Variants in DNAAF1 observed in about 807,000 individuals in gnomAD.
DNAAF1 encodes the protein dynein axonemal assembly factor 1.
Under a neutral mutation model 71.1 loss-of-function variants are expected in DNAAF1, and 65 were observed. The observed-to-expected ratio is 0.91, with a 90% confidence interval of 0.75 to 1.12. The LOEUF (loss-of-function observed/expected upper bound fraction) is 1.12. Among genes scored for constraint, DNAAF1 ranks in the 50% most tolerant of loss-of-function variants. The pLI is 0.00. For synonymous variants in DNAAF1, 414 were observed against 354.6 expected (o/e 1.17, Z -1.88); for missense variants, 1,178 against 899.8 (o/e 1.31, Z -3.96).
rs772046071 is a variant in DNAAF1, at chr16:84,145,407, A to C, written c.-34A>C. Reference sequence around the variant, plus strand: ...GTCCGCCGCGAACCTGGGCCCCCCAAAGCTGCGGGGCGTTCGGTGTCGCCG... The same window carrying C: ...GTCCGCCGCGAACCTGGGCCCCCCACAGCTGCGGGGCGTTCGGTGTCGCCG... On this transcript the variant is annotated 5_prime_UTR_variant, in exon 1 of 12. Transcript: ENST00000378553. The C allele has an allele frequency of 6.4e-6, 10 of 1,570,384 alleles. No individual in the cohort carries two copies. The African/African-American group carries it at 8.1e-5, about 13-fold the overall frequency.
chr16:84,147,013 C>G lies in DNAAF1; in HGVS notation c.124+1449C>G, dbSNP rs77347104. 4.1e-3 allele frequency among the ~76,000 whole-genome samples: 630 copies of G among 152,300 alleles called. 4 individuals are homozygous for G. The highest frequency in any genetic ancestry group is 0.014 in the African/African-American group (592 of 41,564). ...GACACTGGTCTTGGAGCCATTGACA[C>G]TGGGTTCAAGTTGAGGCTCAGCAGC... On this transcript the variant is annotated intron_variant, in intron 1 of 11. Coordinates refer to ENST00000378553, the MANE Select transcript of DNAAF1 (RefSeq NM_178452.6).
At position 84,145,317 on chromosome 16, in the gene DNAAF1, A is replaced by C; in HGVS notation, c.-124A>C. ...GGGGAAGCGTTGGGCTGTAAAGACTAGGGCGCCAGCGGCTGGCGAAGAAGG... is the reference window on the plus strand; with the variant it reads ...GGGGAAGCGTTGGGCTGTAAAGACTCGGGCGCCAGCGGCTGGCGAAGAAGG... On this transcript the variant is annotated 5_prime_UTR_variant, in exon 1 of 12. Transcript: ENST00000378553. The C allele has an allele frequency of 6.8e-7, 1 of 1,477,910 alleles. No homozygotes were observed. Among genetic ancestry groups the C allele is most frequent in the Non-Finnish European group, 9.1e-7 (1 of 1,096,024 alleles). The allele number at this position is 1,477,910 out of a possible 1,614,324, so 91.5% of individuals were successfully genotyped here.
Position 84,177,861 on chromosome 16 carries a change from G to C in DNAAF1, c.*20G>C, listed in dbSNP as rs1429390512. On this transcript the variant is annotated 3_prime_UTR_variant, in exon 12 of 12. Transcript: ENST00000378553. ...TCATAGTTTTCCCCAGTTATATGTA[G>C]CATAAATGGTTTAATCATAAATGTC... 1 of 1,584,518 alleles carries C rather than the reference G, an allele frequency of 6.3e-7. No homozygotes were observed. The highest frequency in any genetic ancestry group is 2.2e-5 in the East Asian group (1 of 44,722).
intron 5 of DNAAF1, chr16:84,158,974 A>G (rs956673352): frequency 4.9e-5 from 47 of 951,494 alleles, no homozygotes; most frequent in Non-Finnish European, 5.6e-5. Flanking sequence ...CAAGTGATCC[A>G]CCCACCTCAG....
intron 10 of DNAAF1, among the ~76,000 whole-genome samples, chr16:84,175,065 A>C (rs956447513): frequency 2.0e-5 from 3 of 152,174 alleles, no homozygotes; most frequent in Non-Finnish European, 2.9e-5. Context: ...CATGTTGGCC[A>C]GGCTGGTCTC....
chr16:84,159,165 T>C, intron 5 of DNAAF1: 5 of 1,001,524 alleles, frequency 5.0e-6, no homozygotes, highest in Non-Finnish European at 6.0e-6. Context: ...CGGGGAGAGC[T>C]GTAAGCCGAG....
At chr16:84,162,647 C>G (rs1000058510) in intron 6 of DNAAF1, among the ~76,000 whole-genome samples, 6 of 151,898 alleles carry the variant, frequency 4.0e-5, no homozygotes, top group African/African-American at 1.5e-4. Context: ...GGTGAAACCT[C>G]ATCTCTACTA....
Position 84,145,461 on chromosome 16 carries a change from G to C in DNAAF1, c.21G>C (p.Glu7Asp), listed in dbSNP as rs1249513248. The change falls in exon 1 of 12, where the codon GAG becomes GAC. Residue 7 changes from glutamate (E) to aspartate (D), a missense_variant. Glu to Asp is a conservative substitution (Grantham distance 45). Coordinates refer to ENST00000378553, the MANE Select transcript of DNAAF1 (RefSeq NM_178452.6). MHPEPS[E>D]PATGGAAELD... ...TAAACATGCACCCTGAGCCCTCGGA[G>C]CCTGCGACAGGTGGTGCAGCAGAGC... 3 of 1,579,250 alleles carry C rather than the reference G, an allele frequency of 1.9e-6. No individual in the cohort carries two copies. In the South Asian group the frequency reaches 3.5e-5, roughly 18 times the overall value.
chr16:84,169,370 G>A (rs2088200995), intron 7 of DNAAF1, among the ~76,000 whole-genome samples: 4 of 151,790 alleles, frequency 2.6e-5, no homozygotes, highest in Admixed American at 2.6e-4. Context: ...ACAAGCATGA[G>A]CTACCATGCC....
intron 6 of DNAAF1, among the ~76,000 whole-genome samples, chr16:84,163,355 C>CT (rs1323718376): frequency 2.0e-5 from 3 of 148,444 alleles, no homozygotes; most frequent in South Asian, 2.2e-4. Context: ...GGTTGCCTGT[C>CT]TTTTTTTTCC....
rs894004225 is a variant in DNAAF1 at position 84,154,777 on chromosome 16, A to C, written c.553A>C (p.Ile185Leu). 6.2e-7 allele frequency: 1 copy of C among 1,613,974 alleles called. No individual in the cohort carries two copies. The highest frequency in any genetic ancestry group is 1.3e-5 in the African/African-American group (1 of 74,920). ...TGCTCTTAACCTCAGCAACAATTAC[A>C]TCAAGACCATTGAAAACCTCTGTAA... Reference protein sequence around the residue: ...LDALNLSNNYIKTIENLSCLP... With the variant: ...LDALNLSNNYLKTIENLSCLP... Residue 185 changes from isoleucine to leucine, a missense_variant, in exon 4 of 12, where the codon ATC becomes CTC. Ile to Leu is a conservative substitution (Grantham distance 5). Coordinates refer to ENST00000378553, the MANE Select transcript of DNAAF1 (RefSeq NM_178452.6).
rs1567551863 is a variant in DNAAF1 at position 84,163,396 on chromosome 16, T to TTA, written c.864-2386_864-2385insAT. On this transcript the variant is annotated intron_variant, in intron 6 of 11. Coordinates refer to ENST00000378553, the MANE Select transcript of DNAAF1 (RefSeq NM_178452.6). Reference sequence around the variant, plus strand: ...CTCTCTCTTTTTCTTTTTTTTTTTTTTTAAGATGGAGTCTTGCCCTGTCGC... The same window carrying TTA: ...CTCTCTCTTTTTCTTTTTTTTTTTTTTATTAAGATGGAGTCTTGCCCTGTCGC... Among the ~76,000 whole-genome samples, 829 of 151,812 alleles carry TTA rather than the reference T, an allele frequency of 5.5e-3. 11 individuals are homozygous for TTA. The highest frequency in any genetic ancestry group is 0.019 in the African/African-American group (784 of 41,374).
intron 9 of DNAAF1, chr16:84,172,601 G>A (rs576366650): frequency 4.4e-4 from 602 of 1,361,736 alleles, no homozygotes; most frequent in Non-Finnish European, 5.0e-4. Context: ...TCGTGCACAT[G>A]CATGCTCAAG....
intron 10 of DNAAF1, 100 bp downstream of exon 10, chr16:84,174,822 C>A: frequency 6.8e-7 from 1 of 1,474,416 alleles, no homozygotes; most frequent in Non-Finnish European, 9.4e-7. Flanking sequence ...AAAATGTTCC[C>A]TGTGCATAAA....
intron 1 of DNAAF1, among the ~76,000 whole-genome samples, chr16:84,146,095 T>TCAAACAAA (rs149331390): frequency 2.6e-5 from 4 of 151,834 alleles, no homozygotes; most frequent in African/African-American, 4.8e-5. Context: ...AGACTCCGTC[T>TCAAACAAA]CAAACAAACA....
chr16:84,161,697 A>G (rs1028520102), intron 6 of DNAAF1, among the ~76,000 whole-genome samples: 2 of 150,854 alleles, frequency 1.3e-5, no homozygotes, highest in African/African-American at 2.4e-5. Flanking sequence ...TAATCCAGCC[A>G]CTGACTAATT....
At chr16:84,165,267 G>A (rs537892318) in intron 6 of DNAAF1, among the ~76,000 whole-genome samples, 7 of 152,092 alleles carry the variant, frequency 4.6e-5, no homozygotes, top group Non-Finnish European at 1.0e-4. Flanking sequence ...TTAATGAGTT[G>A]TGAGGCTTAT....
chr16:84,148,345 G>T (rs992200321), intron 1 of DNAAF1, among the ~76,000 whole-genome samples: 1 of 151,960 alleles, frequency 6.6e-6, no homozygotes, highest in Non-Finnish European at 1.5e-5. Flanking sequence ...TAGTTCTAGT[G>T]CATTCTTCTC....
chr16:84,150,080 A>G (rs1054008792), intron 2 of DNAAF1, among the ~76,000 whole-genome samples, 171 bp from the exon 3 acceptor site: 4 of 150,600 alleles, frequency 2.7e-5, no homozygotes, highest in African/African-American at 1.0e-4. Context: ...TGTACAAAAA[A>G]GAAGAAGAAA....
Sources: allele counts gnomAD v4.1 joint callset (sites outside exome capture counted in the v4.1 genomes callset), GRCh38; gene constraint gnomAD v4.1.1; transcripts MANE v1.5; gene names NCBI Gene and HGNC (gene_info 2026-07-23, HGNC 2026-07-21).